The following RAI14 variants were observed in gnomAD, a reference collection of about 807,000 sequenced individuals.
The protein encoded by RAI14 is ankycorbin.
RAI14 carries 45 observed loss-of-function variants against 115.4 expected under a neutral mutation model. The observed-to-expected ratio is 0.39, with a 90% confidence interval of 0.31 to 0.50. The LOEUF is 0.50. RAI14 is among the 20% of genes least tolerant of loss of function. The pLI, the probability that RAI14 is intolerant of heterozygous loss-of-function variation, is 0.85. For synonymous variants in RAI14, 371 were observed against 415.4 expected (o/e 0.89, Z 1.30); for missense variants, 939 against 1,131.2 (o/e 0.83, Z 2.44).
chr5:34,661,048 G>T (rs191438734), intron 1 of RAI14, among the ~76,000 whole-genome samples: 1 of 152,308 alleles, frequency 6.6e-6, no homozygotes, highest in Admixed American at 6.5e-5. Context: ...AGCTTGCCGT[G>T]TATAGGTTGA....
At chr5:34,774,095 G>C (rs1750531086) in intron 3 of RAI14, among the ~76,000 whole-genome samples, 4 of 152,094 alleles carry the variant, frequency 2.6e-5, no homozygotes, top group Admixed American at 2.6e-4. Flanking sequence ...GCCCACATCT[G>C]TAATCCCAGC....
At chr5:34,764,629 A>G (rs1226543749) in intron 3 of RAI14, among the ~76,000 whole-genome samples, 2 of 152,158 alleles carry the variant, frequency 1.3e-5, no homozygotes, top group African/African-American at 2.4e-5. Flanking sequence ...TGTACACAAA[A>G]TAGAATTGCA....
At chr5:34,815,375 G>A (rs1157464793) in intron 12 of RAI14, among the ~76,000 whole-genome samples, 9 of 148,968 alleles carry the variant, frequency 6.0e-5, no homozygotes, top group South Asian at 2.1e-4. Flanking sequence ...GCGAGACTCC[G>A]TCTCAAAAAA....
intron 1 of RAI14, chr5:34,657,345 T>C (rs1157721475): frequency 1.3e-5 from 2 of 152,440 alleles, no homozygotes; most frequent in African/African-American, 2.4e-5. Flanking sequence ...CCTAACTCCT[T>C]TGAGTTTCGC....
At chr5:34,658,352 A>G (rs1217567525) in intron 1 of RAI14, among the ~76,000 whole-genome samples, 1 of 152,210 alleles carries the variant, frequency 6.6e-6, no homozygotes, top group Non-Finnish European at 1.5e-5. Context: ...TACACGTACT[A>G]TCACCTAGGC....
At chr5:34,778,453 G>C (rs1751171935) in intron 3 of RAI14, among the ~76,000 whole-genome samples, 2 of 152,152 alleles carry the variant, frequency 1.3e-5, no homozygotes, top group African/African-American at 4.8e-5. Flanking sequence ...CCAACACTTT[G>C]GGAGGCTGAG....
intron 4 of RAI14, among the ~76,000 whole-genome samples, chr5:34,799,751 G>A (rs1468973195): frequency 2.9e-5 from 4 of 135,964 alleles, no homozygotes; most frequent in Non-Finnish European, 6.1e-5. Context: ...GCAGTGGCAC[G>A]ATCTCGGCTC....
chr5:34,667,837 A>G (rs930205511), intron 1 of RAI14, among the ~76,000 whole-genome samples: 30 of 152,168 alleles, frequency 2.0e-4, no homozygotes, highest in African/African-American at 7.2e-4. Context: ...CCGTGTAACA[A>G]ATGTTTGTCA....
intron 3 of RAI14, among the ~76,000 whole-genome samples, chr5:34,764,537 T>TTCTCTC (rs146616019): frequency 3.4e-3 from 246 of 71,732 alleles, no homozygotes; most frequent in East Asian, 0.025. Context: ...CAGGTGAATT[T>TTCTCTC]TCTCTCTCTC....
chr5:34,658,395 G>A (rs1742443107), intron 1 of RAI14, among the ~76,000 whole-genome samples: 3 of 152,142 alleles, frequency 2.0e-5, no homozygotes, highest in Admixed American at 1.3e-4. Context: ...TGGAGGTTAA[G>A]AACAACTGGG....
chr5:34,761,189 T>A (rs1748604752), intron 3 of RAI14, among the ~76,000 whole-genome samples: 2 of 152,172 alleles, frequency 1.3e-5, no homozygotes, highest in African/African-American at 2.4e-5. Flanking sequence ...ATTTACCTTT[T>A]TGTGTGCATG....
chr5:34,830,606 G>C, intron 17 of RAI14, 82 bp from the exon 18 acceptor site: 1 of 1,596,642 alleles, frequency 6.3e-7, no homozygotes, highest in Non-Finnish European at 8.5e-7. Flanking sequence ...CTTCATTGCA[G>C]TCAGCCATCT....
At chr5:34,758,226 C>T (rs1210995891) in intron 3 of RAI14, among the ~76,000 whole-genome samples, 1 of 152,144 alleles carries the variant, frequency 6.6e-6, no homozygotes, top group Non-Finnish European at 1.5e-5. Flanking sequence ...CCTCAGTTTC[C>T]TTACTATAAA....
intron 2 of RAI14, among the ~76,000 whole-genome samples, chr5:34,711,780 T>C (rs924732184): frequency 1.2e-4 from 18 of 152,328 alleles, no homozygotes; most frequent in Middle Eastern, 3.4e-3. Flanking sequence ...CAGAAATAAA[T>C]GTCTATTGTT....
At chr5:34,797,189 G>A (rs1458623190) in intron 4 of RAI14, among the ~76,000 whole-genome samples, 1 of 152,092 alleles carries the variant, frequency 6.6e-6, no homozygotes, top group Non-Finnish European at 1.5e-5. Context: ...AGTGTTTACT[G>A]GGATACAAAA....
rs1177178130 is a variant in RAI14, at chr5:34,831,243, A to G, written c.*478A>G. ...TAACTAAATTAGTATGGCACTAGTT[A>G]TGAAGTATCTGCTTAAAACCCTTCA... On this transcript the variant is annotated 3_prime_UTR_variant, in exon 18 of 18. Transcript: ENST00000265109. 1 of 156,892 alleles carries G rather than the reference A, an allele frequency of 6.4e-6. No homozygotes were observed. The highest frequency in any genetic ancestry group is 2.4e-5 in the African/African-American group (1 of 41,508). 9.7% of individuals were successfully genotyped at this position (156,892 alleles called of 1,614,324 possible).
chr5:34,781,392 G>T (rs576596690), intron 3 of RAI14, among the ~76,000 whole-genome samples: 1 of 152,094 alleles, frequency 6.6e-6, no homozygotes, highest in African/African-American at 2.4e-5. Flanking sequence ...AAAAGTAAAA[G>T]CTTATGTAGA....
At chr5:34,787,893 A>AGTTTTTTT (rs1752487160) in intron 3 of RAI14, among the ~76,000 whole-genome samples, 1 of 25,090 alleles carries the variant, frequency 4.0e-5, no homozygotes, top group Non-Finnish European at 8.4e-5. Flanking sequence ...GATACTACTG[A>AGTTTTTTT]TTTTTTTTTT....
intron 13 of RAI14, among the ~76,000 whole-genome samples, chr5:34,820,145 G>A (rs1032805004): frequency 2.0e-5 from 3 of 152,186 alleles, no homozygotes; most frequent in African/African-American, 7.2e-5. Context: ...TATAAAGAAA[G>A]GTCATTTTGC....
Sources: gnomAD v4.1 joint callset for allele counts (sites outside exome capture counted in the v4.1 genomes callset) on GRCh38, gnomAD v4.1.1 for gene constraint, MANE v1.5 for transcripts, NCBI Gene and HGNC (gene_info 2026-07-23, HGNC 2026-07-21) for gene names.